Variants in GRIN2A observed in about 807,000 individuals in gnomAD.
GRIN2A encodes the protein glutamate receptor ionotropic, NMDA 2A.
Under a neutral mutation model 113.4 loss-of-function variants are expected in GRIN2A, and 22 were observed. That is an observed-to-expected ratio of 0.19 (90% CI 0.14 to 0.28). The LOEUF is 0.28. GRIN2A is among the 10% of genes least tolerant of loss of function. The pLI is 1.00. For missense variants in GRIN2A, 1,502 were observed against 1,887.0 expected, an observed-to-expected ratio of 0.80 and a Z score of 3.78; for synonymous variants, 827 against 738.4, an observed-to-expected ratio of 1.12 and a Z score of -1.94.
Position 9,758,585 on chromosome 16 carries a change from ATACACT to A in GRIN2A, c.*4558_*4563del, listed in dbSNP as rs1567270637. 1 of 209,910 alleles carries A rather than the reference ATACACT, an allele frequency of 4.8e-6. No homozygotes were observed. Among genetic ancestry groups the A allele is most frequent in the Non-Finnish European group, 9.7e-6 (1 of 103,286 alleles). The allele number at this position is 209,910 out of a possible 1,614,324, so 13.0% of individuals were successfully genotyped here. A position where few individuals can be genotyped will look rare whatever the true frequency, so the allele number is the denominator to read the frequency against. On this transcript the variant is annotated 3_prime_UTR_variant, in exon 13 of 13. Transcript: ENST00000330684. ...CAATATGTACAATTTTATTTGGATA[ATACACT>A]TACGTGTGAATTGTAGAAATCAAGC...
intron 2 of GRIN2A, among the ~76,000 whole-genome samples, chr16:10,156,102 G>GCCCA (rs1218926660): frequency 6.6e-6 from 1 of 152,166 alleles, no homozygotes; most frequent in Non-Finnish European, 1.5e-5. Context: ...CAGGCTTCCT[G>GCCCA]CCCATCTGCC....
chr16:9,968,165 A>C (rs1168911031), intron 2 of GRIN2A, among the ~76,000 whole-genome samples: 1 of 150,946 alleles, frequency 6.6e-6, no homozygotes, highest in Non-Finnish European at 1.5e-5. Context: ...TCTCCCCGAC[A>C]CTCCCCCTAT....
At chr16:9,772,496 G>A (rs112731615) in intron 11 of GRIN2A, among the ~76,000 whole-genome samples, 3,662 of 152,156 alleles carry the variant, frequency 0.024, 69 homozygotes, top group African/African-American at 0.058. Flanking sequence ...CTCAGCCTCC[G>A]AAGTAGTTGG....
At chr16:10,092,393 G>A (rs781631112) in intron 2 of GRIN2A, among the ~76,000 whole-genome samples, 3 of 152,122 alleles carry the variant, frequency 2.0e-5, no homozygotes, top group Non-Finnish European at 4.4e-5. Context: ...GTTAGCAGTC[G>A]GAATACAGGG....
At chr16:9,812,412 G>A (rs2042104559) in intron 10 of GRIN2A, among the ~76,000 whole-genome samples, 1 of 152,196 alleles carries the variant, frequency 6.6e-6, no homozygotes, top group Non-Finnish European at 1.5e-5. Context: ...GCCGAGGTGG[G>A]AGGATCACCT....
At chr16:9,784,701 G>T (rs912730888) in intron 11 of GRIN2A, among the ~76,000 whole-genome samples, 2 of 151,874 alleles carry the variant, frequency 1.3e-5, no homozygotes, top group Non-Finnish European at 2.9e-5. Flanking sequence ...TCTGACAAAG[G>T]GCTAATATCC....
At chr16:10,009,400 G>C (rs996316030) in intron 2 of GRIN2A, among the ~76,000 whole-genome samples, 1 of 152,192 alleles carries the variant, frequency 6.6e-6, no homozygotes, top group Non-Finnish European at 1.5e-5. Context: ...TAGGAGCTAA[G>C]AAGAGGTGAA....
intron 2 of GRIN2A, among the ~76,000 whole-genome samples, chr16:10,073,920 C>CAAAAAA (rs371987747): frequency 7.7e-6 from 1 of 130,346 alleles, no homozygotes. Flanking sequence ...ACCCCCGTCA[C>CAAAAAA]AAAAAAAAAA....
At chr16:9,818,169 G>A (rs1244854255) in intron 10 of GRIN2A, among the ~76,000 whole-genome samples, 10 of 152,124 alleles carry the variant, frequency 6.6e-5, no homozygotes, top group African/African-American at 9.6e-5. Context: ...GTGTGGTGAC[G>A]TGGACACCTG....
intron 2 of GRIN2A, among the ~76,000 whole-genome samples, chr16:9,990,543 ACACGCGCGCGCG>A (rs1217324174): frequency 1.6e-4 from 19 of 120,156 alleles, no homozygotes; most frequent in African/African-American, 6.0e-4. Flanking sequence ...CTCTCTCTCT[ACACGCGCGCGCG>A]CGCGCGCGCA....
Position 9,986,410 on chromosome 16 carries a change from G to A in GRIN2A, c.415-47859C>T, listed in dbSNP as rs563077525. On this transcript the variant is annotated intron_variant, in intron 2 of 12. Transcript: ENST00000330684. ...GGTGAAATTACAAGTGATCTTTGTC[G>A]ATTTTATTTTATAGTGTATTTCTGT... 3.9e-5 allele frequency among the ~76,000 whole-genome samples: 6 copies of A among 152,222 alleles called. No homozygotes were observed. In the South Asian group the frequency reaches 8.3e-4, roughly 21 times the overall value.
At chr16:9,843,046 A>G (rs1370819279) in intron 5 of GRIN2A, among the ~76,000 whole-genome samples, 1 of 149,220 alleles carries the variant, frequency 6.7e-6, no homozygotes, top group Non-Finnish European at 1.5e-5. Context: ...GAAAGAAAGA[A>G]AGAGAGAGAG....
intron 2 of GRIN2A, among the ~76,000 whole-genome samples, chr16:10,042,324 C>T (rs2047179583): frequency 6.6e-6 from 1 of 152,166 alleles, no homozygotes; most frequent in African/African-American, 2.4e-5. Flanking sequence ...TGCCTTCTCT[C>T]TTTTGGATCA....
intron 2 of GRIN2A, among the ~76,000 whole-genome samples, chr16:10,089,875 G>A (rs928064712): frequency 4.6e-5 from 7 of 152,140 alleles, no homozygotes; most frequent in African/African-American, 1.7e-4. Flanking sequence ...GAGCTATGAT[G>A]GGTGGGAAAT....
At chr16:9,905,084 A>C (rs1294968244) in intron 3 of GRIN2A, among the ~76,000 whole-genome samples, 1 of 152,254 alleles carries the variant, frequency 6.6e-6, no homozygotes, top group Non-Finnish European at 1.5e-5. Context: ...CTTCTTAGTA[A>C]ACACATCACT....
chr16:10,081,174 AGG>A (rs2142056283), intron 2 of GRIN2A, among the ~76,000 whole-genome samples: 1 of 152,340 alleles, frequency 6.6e-6, no homozygotes, highest in South Asian at 2.1e-4. Context: ...GGTTAGCATG[AGG>A]CAACTGCACT....
chr16:9,849,119 A>G lies in GRIN2A; in HGVS notation c.1328+637T>C, dbSNP rs1375958414. On this transcript the variant is annotated intron_variant, in intron 5 of 12. Transcript: ENST00000330684. ...AAATATATAAAATATACTGTTTTAT[A>G]TATTTAAATATATAAAATACACTGT... is the stretch of plus-strand genomic sequence containing the variant. 1.7e-5 allele frequency among the ~76,000 whole-genome samples: 2 copies of G among 114,968 alleles called. 1 individual carries two copies. The highest frequency in any genetic ancestry group is 6.3e-5 in the African/African-American group (2 of 31,608). 75.4% of individuals were successfully genotyped at this position (114,968 alleles called of 152,430 possible).
intron 3 of GRIN2A, among the ~76,000 whole-genome samples, chr16:9,902,565 G>C (rs908318646): frequency 6.6e-6 from 1 of 152,202 alleles, no homozygotes; most frequent in African/African-American, 2.4e-5. Flanking sequence ...TTTTAGCTGA[G>C]TTAAGCAGTC....
At chr16:10,044,434 C>A (rs1364416189) in intron 2 of GRIN2A, among the ~76,000 whole-genome samples, 1 of 151,784 alleles carries the variant, frequency 6.6e-6, no homozygotes, top group Non-Finnish European at 1.5e-5. Flanking sequence ...CTCCTTTATG[C>A]TTTTTCTTTC....
Sources: gnomAD v4.1 joint callset for allele counts (sites outside exome capture counted in the v4.1 genomes callset) on GRCh38, gnomAD v4.1.1 for gene constraint, MANE v1.5 for transcripts, NCBI Gene and HGNC (gene_info 2026-07-23, HGNC 2026-07-21) for gene names.